DOK5: variants seen among roughly 807,000 people sequenced by gnomAD.
DOK5 encodes the protein docking protein 5, also known as downstream of tyrosine kinase 5.
Under a neutral mutation model 43.3 loss-of-function variants are expected in DOK5, and 27 were observed. The ratio of observed to expected loss-of-function variants is 0.62; its 90% CI spans 0.46 to 0.86. The LOEUF (loss-of-function observed/expected upper bound fraction) is 0.86. Ranked by LOEUF, DOK5 falls within the 40% of genes least tolerant of loss-of-function variation. The pLI is 0.00. For synonymous variants in DOK5, 146 were observed against 140.1 expected, an observed-to-expected ratio of 1.04 and a Z score of -0.30; for missense variants, 373 against 392.9, an observed-to-expected ratio of 0.95 and a Z score of 0.43.
intron 2 of DOK5, among the ~76,000 whole-genome samples, chr20:54,561,330 C>G (rs1984896742): frequency 6.6e-6 from 1 of 152,296 alleles, no homozygotes; most frequent in African/African-American, 2.4e-5. Flanking sequence ...TAGTTGGAGA[C>G]AAGGCAACCC....
intron 6 of DOK5, among the ~76,000 whole-genome samples, chr20:54,634,710 G>A (rs6068923): frequency 0.18 from 26,496 of 151,388 alleles, 3,143 homozygotes; most frequent in Non-Finnish European, 0.27. Context: ...CAAAGTGCCG[G>A]GATTAATATC....
At chr20:54,566,725 T>C (rs956638581) in intron 2 of DOK5, among the ~76,000 whole-genome samples, 1 of 152,162 alleles carries the variant, frequency 6.6e-6, no homozygotes, top group Non-Finnish European at 1.5e-5. Context: ...CAAGAGATCC[T>C]CTCACTTCAG....
chr20:54,524,932 G>T (rs761494237), intron 1 of DOK5, among the ~76,000 whole-genome samples: 6 of 152,180 alleles, frequency 3.9e-5, no homozygotes, highest in Non-Finnish European at 7.3e-5. Flanking sequence ...ATAGTGCTTG[G>T]CTGTGATTTG....
intron 1 of DOK5, among the ~76,000 whole-genome samples, chr20:54,483,033 G>A (rs1981786724): frequency 6.6e-6 from 1 of 152,170 alleles, no homozygotes; most frequent in African/African-American, 2.4e-5. Flanking sequence ...CATTGACATG[G>A]TTTCCATGTC....
chr20:54,613,714 T>G (rs913725636), intron 6 of DOK5, among the ~76,000 whole-genome samples: 1 of 152,136 alleles, frequency 6.6e-6, no homozygotes, highest in East Asian at 1.9e-4. Context: ...TGCATCAAGG[T>G]TGGGTACGGT....
At chr20:54,573,415 C>T (rs373829055) in intron 2 of DOK5, among the ~76,000 whole-genome samples, 13 of 152,052 alleles carry the variant, frequency 8.5e-5, no homozygotes, top group African/African-American at 1.9e-4. Flanking sequence ...AGGCGAGGCG[C>T]GGTGGCTCAT....
chr20:54,645,946 A>G (rs1979397689), intron 7 of DOK5, among the ~76,000 whole-genome samples: 3 of 140,338 alleles, frequency 2.1e-5, no homozygotes, highest in African/African-American at 5.9e-5. Flanking sequence ...AAAAAAAAAA[A>G]AAAAAAAAAA....
intron 1 of DOK5, among the ~76,000 whole-genome samples, chr20:54,500,448 C>G (rs6091898): frequency 0.019 from 2,908 of 152,016 alleles, 88 homozygotes; most frequent in African/African-American, 0.066. Flanking sequence ...ACCTACTGCC[C>G]CAATACAAAA....
In DOK5 at chr20:54,534,819, G is replaced by GTTTCTTTCTTTCTTTCTTTCTTTCTTTC. The variant is rs112769125; in HGVS notation, c.67-20110_67-20083dup. On this transcript the variant is annotated intron_variant, in intron 1 of 7. Transcript: ENST00000262593. Reference sequence around the variant, plus strand: ...CAACAAGAATTGATTTTGAAAGCATGTTTCTTTCTTTCTTTCTTTCTTTCT... The same window carrying GTTTCTTTCTTTCTTTCTTTCTTTCTTTC: ...CAACAAGAATTGATTTTGAAAGCATGTTTCTTTCTTTCTTTCTTTCTTTCTTTCTTTCTTTCTTTCTTTCTTTCTTTCT... 1.1e-3 allele frequency among the ~76,000 whole-genome samples: 170 copies of GTTTCTTTCTTTCTTTCTTTCTTTCTTTC among 150,570 alleles called. 4 individuals are homozygous for GTTTCTTTCTTTCTTTCTTTCTTTCTTTC. The highest frequency in any genetic ancestry group is 4.0e-3 in the African/African-American group (161 of 40,284).
At position 54,476,356 on chromosome 20, in the gene DOK5, T is replaced by C. The variant is rs540209933; in HGVS notation, c.66+344T>C. 6.6e-5 allele frequency among the ~76,000 whole-genome samples: 10 copies of C among 152,232 alleles called. No individual in the cohort carries two copies. The South Asian group carries it at 1.9e-3, about 28-fold the overall frequency. ...GGGGGTGCCTGCCGGATGCCCCCGG[T>C]TCCCCTCTTTTCCCACTCGCCGCCA... On this transcript the variant is annotated intron_variant, in intron 1 of 7. Coordinates refer to ENST00000262593, the MANE Select transcript of DOK5 (RefSeq NM_018431.5).
chr20:54,483,530 C>G (rs1369097403), intron 1 of DOK5, among the ~76,000 whole-genome samples: 1 of 152,100 alleles, frequency 6.6e-6, no homozygotes, highest in Non-Finnish European at 1.5e-5. Context: ...ATCTGAGTAA[C>G]AGGTCAAATA....
At chr20:54,477,362 TC>T (rs1981474583) in intron 1 of DOK5, among the ~76,000 whole-genome samples, 1 of 152,212 alleles carries the variant, frequency 6.6e-6, no homozygotes, top group South Asian at 2.1e-4. Context: ...TTTCTTTTTC[TC>T]CCCTGCTGGT....
At position 54,591,778 on chromosome 20, in the gene DOK5, C is replaced by T. The variant is rs773612786; in HGVS notation, c.572C>T (p.Thr191Ile). Residue 191 changes from threonine (T) to isoleucine (I), a missense_variant, in exon 5 of 8, where the codon ACT (threonine) becomes ATT (isoleucine). Coordinates refer to ENST00000262593, the MANE Select transcript of DOK5 (RefSeq NM_018431.5). ...GCCCTGCGGCGGTATGGACGTGATACTACGTGGTTCACTTTTGAGGCAGGG... is the reference window on the plus strand; with the variant it reads ...GCCCTGCGGCGGTATGGACGTGATATTACGTGGTTCACTTTTGAGGCAGGG... ...LSALRRYGRD[T>I]TWFTFEAGRM... The T allele has an allele frequency of 1.6e-5, 25 of 1,612,788 alleles. No homozygotes were observed. Among genetic ancestry groups the T allele is most frequent in the Non-Finnish European group, 2.0e-5 (24 of 1,179,744 alleles).
chr20:54,583,011 A>G (rs765765871), intron 2 of DOK5, among the ~76,000 whole-genome samples: 1 of 151,838 alleles, frequency 6.6e-6, no homozygotes, highest in Non-Finnish European at 1.5e-5. Context: ...TACCATTATA[A>G]TCTTCTTTTT....
chr20:54,570,812 T>C (rs978654671), intron 2 of DOK5, among the ~76,000 whole-genome samples: 1 of 152,186 alleles, frequency 6.6e-6, no homozygotes, highest in Non-Finnish European at 1.5e-5. Flanking sequence ...CAGAAGAAAT[T>C]TCAACAGTTT....
intron 1 of DOK5, among the ~76,000 whole-genome samples, chr20:54,485,644 A>T (rs940754405): frequency 6.6e-6 from 1 of 152,318 alleles, no homozygotes. Flanking sequence ...TTTCACGTGA[A>T]CATACGTTTT....
At position 54,555,021 on chromosome 20, in the gene DOK5, A is replaced by G. The variant is rs780304236; in HGVS notation, c.155A>G (p.Tyr52Cys). ...AAATTTTCTGATGAACGTGCTGCAT[A>G]TTTCAGGTGTTATCATAAGGTAAGA... Reference protein sequence around the residue: ...LEKFSDERAAYFRCYHKVTEL... With the variant: ...LEKFSDERAACFRCYHKVTEL... Residue 52 changes from tyrosine to cysteine, a missense_variant, in exon 2 of 8, where the codon TAT becomes TGT. Physicochemically the swap from Tyr to Cys is radical, Grantham distance 194. Transcript: ENST00000262593. The G allele has an allele frequency of 2.5e-6, 4 of 1,612,928 alleles. No homozygotes were observed. The highest frequency in any genetic ancestry group is 3.3e-5 in the Admixed American group (2 of 60,000).
chr20:54,644,718 A>AAAAAC (rs1979307001), intron 7 of DOK5, among the ~76,000 whole-genome samples: 1 of 142,500 alleles, frequency 7.0e-6, no homozygotes, highest in African/African-American at 2.9e-5. Context: ...AAAAAAAAAA[A>AAAAAC]AAAAAACAAA....
At chr20:54,521,296 C>T (rs1373323298) in intron 1 of DOK5, among the ~76,000 whole-genome samples, 1 of 152,058 alleles carries the variant, frequency 6.6e-6, no homozygotes, top group Non-Finnish European at 1.5e-5. Context: ...GGTACTAACT[C>T]CTGGAGCTTG....
Sources: allele counts gnomAD v4.1 joint callset (sites outside exome capture counted in the v4.1 genomes callset), GRCh38; gene constraint gnomAD v4.1.1; transcripts MANE v1.5; gene names NCBI Gene and HGNC (gene_info 2026-07-23, HGNC 2026-07-21).